CLEC5A: variants seen among roughly 807,000 people sequenced by gnomAD.
CLEC5A encodes the protein C-type lectin domain containing 5A.
In CLEC5A, 15 loss-of-function variants were observed where a neutral mutation model predicts 24.4. The ratio of observed to expected loss-of-function variants is 0.62; its 90% CI spans 0.41 to 0.95. CLEC5A has a LOEUF of 0.95. Among genes scored for constraint, CLEC5A ranks in the 40% least tolerant of loss-of-function variants. CLEC5A has a pLI of 0.00. For missense variants in CLEC5A, 211 were observed against 224.0 expected (o/e 0.94, Z 0.37); for synonymous variants, 71 against 72.6 (o/e 0.98, Z 0.11).
In CLEC5A at chr7:141,944,890, ACTGTATTGGGTTGCCT is replaced by A. The variant is rs544686876; in HGVS notation, c.139+435_139+450del. 7.6e-4 allele frequency among the ~76,000 whole-genome samples: 116 copies of A among 152,280 alleles called. No homozygotes were observed. In the East Asian group the frequency reaches 9.9e-3, roughly 13 times the overall value. ...TATGAGTATTTTCTCCATACAGCTCACTGTATTGGGTTGCCTCTGTTGATACTAAGATAAATGAGAA... is the reference window on the plus strand; with the variant it reads ...TATGAGTATTTTCTCCATACAGCTCACTGTTGATACTAAGATAAATGAGAA... On this transcript the variant is annotated intron_variant, in intron 3 of 6. Transcript: ENST00000546910.
chr7:141,945,291 C>T (rs1340389384), intron 3 of CLEC5A, 50 bp downstream of exon 3: 11 of 1,302,698 alleles, frequency 8.4e-6, no homozygotes, highest in Middle Eastern at 1.8e-4. Context: ...AGGAATTCAG[C>T]ATAGAAGTAG....
chr7:141,939,014 TA>T (rs1221988212), intron 4 of CLEC5A, among the ~76,000 whole-genome samples: 4 of 152,124 alleles, frequency 2.6e-5, no homozygotes, highest in African/African-American at 9.7e-5. Flanking sequence ...TAAGAATTGC[TA>T]AAAACAGCTC....
chr7:141,945,985 C>T (rs782280891), intron 2 of CLEC5A: 19 of 510,554 alleles, frequency 3.7e-5, no homozygotes, highest in Non-Finnish European at 5.6e-5. Flanking sequence ...GGCGTTCTAA[C>T]CATCAGAAAC....
intron 5 of CLEC5A, 46 bp downstream of exon 5, chr7:141,935,768 G>T: frequency 1.9e-6 from 3 of 1,587,356 alleles, no homozygotes; most frequent in Middle Eastern, 1.7e-4. Flanking sequence ...ACCCACTGAG[G>T]CTGTGTGGAG....
Position 141,929,960 on chromosome 7 carries a change from G to C in CLEC5A, c.*144C>G. On this transcript the variant is annotated 3_prime_UTR_variant, in exon 7 of 7. Coordinates refer to ENST00000546910, the MANE Select transcript of CLEC5A (RefSeq NM_013252.3). ...GAGATGGCTAGCATCCAGTCCCCCA[G>C]TGCAGAAGAAAGAAGCTCAGTTTCC... 1 of 617,602 alleles carries C rather than the reference G, an allele frequency of 1.6e-6. No homozygotes were observed. Among genetic ancestry groups the C allele is most frequent in the Non-Finnish European group, 2.8e-6 (1 of 352,718 alleles). 38.3% of individuals were successfully genotyped at this position (617,602 alleles called of 1,614,324 possible).
At chr7:141,942,411 T>C (rs1345871285) in intron 4 of CLEC5A, among the ~76,000 whole-genome samples, 1 of 152,090 alleles carries the variant, frequency 6.6e-6, no homozygotes, top group African/African-American at 2.4e-5. Context: ...TCTCTTGACA[T>C]ATACAAAAAC....
chr7:141,945,047 C>T (rs1377329410), intron 3 of CLEC5A, among the ~76,000 whole-genome samples: 1 of 152,084 alleles, frequency 6.6e-6, no homozygotes. Context: ...AGAACCATGC[C>T]CCACTCATCT....
chr7:141,946,439 C>G (rs1034819866), intron 1 of CLEC5A, 127 bp from the exon 2 acceptor site: 7 of 794,548 alleles, frequency 8.8e-6, no homozygotes, highest in Non-Finnish European at 1.2e-5. Context: ...ATGACATTGA[C>G]AGGTACCAGG....
intron 5 of CLEC5A, 98 bp from the exon 6 acceptor site, chr7:141,931,924 G>C: frequency 3.3e-6 from 2 of 609,132 alleles, no homozygotes; most frequent in Non-Finnish European, 5.8e-6. Context: ...AATAAGGAAG[G>C]CCGGTAGAGA....
chr7:141,941,864 T>G (rs1802803564), intron 4 of CLEC5A, among the ~76,000 whole-genome samples: 1 of 152,072 alleles, frequency 6.6e-6, no homozygotes, highest in South Asian at 2.1e-4. Context: ...AGGAATTAAT[T>G]TAGCCAAAGA....
At chr7:141,946,154 A>G in intron 2 of CLEC5A, 60 bp downstream of exon 2, 1 of 1,514,274 alleles carries the variant, frequency 6.6e-7, no homozygotes, top group Non-Finnish European at 9.0e-7. Flanking sequence ...GCATTCTGAG[A>G]GAAGAGTCAA....
At chr7:141,932,015 C>G (rs1802483559) in intron 5 of CLEC5A, among the ~76,000 whole-genome samples, 189 bp from the exon 6 acceptor site, 1 of 152,116 alleles carries the variant, frequency 6.6e-6, no homozygotes, top group Admixed American at 6.6e-5. Flanking sequence ...TTTGGAAAAC[C>G]TGAGGTCTTG....
intron 5 of CLEC5A, among the ~76,000 whole-genome samples, chr7:141,933,355 G>T (rs932326753): frequency 6.6e-6 from 1 of 151,996 alleles, no homozygotes; most frequent in Non-Finnish European, 1.5e-5. Context: ...ATTATAGGCA[G>T]GTGGGGAAGC....
chr7:141,930,207 T>C lies in CLEC5A; in HGVS notation c.464A>G (p.Gln155Arg), dbSNP rs781884228. 2 of 1,613,126 alleles carry C rather than the reference T, an allele frequency of 1.2e-6. No homozygotes were observed. The highest frequency in any genetic ancestry group is 1.7e-5 in the Admixed American group (1 of 59,998). Residue 155 changes from glutamine to arginine, a missense_variant, in exon 7 of 7, where the codon CAG becomes CGG. Gln to Arg is a conservative substitution (Grantham distance 43). Coordinates refer to ENST00000546910, the MANE Select transcript of CLEC5A (RefSeq NM_013252.3). ...NSVFNGNVTN[Q>R]NQNFNCATIG... ...GGTCGCACAGTTGAAATTCTGATTC[T>C]GATTGGTAACACTAAATGAGAAAAC...
chr7:141,933,046 G>T (rs190006828), intron 5 of CLEC5A, among the ~76,000 whole-genome samples: 1 of 152,258 alleles, frequency 6.6e-6, no homozygotes, highest in East Asian at 1.9e-4. Flanking sequence ...CTGGGAAGGG[G>T]TACATAGATT....
intron 4 of CLEC5A, among the ~76,000 whole-genome samples, chr7:141,942,842 C>T (rs1429277607): frequency 6.6e-6 from 1 of 152,082 alleles, no homozygotes. Context: ...AACACCATTC[C>T]TCATTATAGA....
At chr7:141,944,045 A>G (rs1190434969) in intron 3 of CLEC5A, 81 bp from the exon 4 acceptor site, 2 of 830,018 alleles carry the variant, frequency 2.4e-6, no homozygotes, top group African/African-American at 3.3e-5. Context: ...GGGCTGTGTG[A>G]CTCTGAATCA....
At position 141,930,152 on chromosome 7, in the gene CLEC5A, T is replaced by C; in HGVS notation, c.519A>G (p.Ala173=). Residue 173 remains alanine (A), a synonymous_variant, in exon 7 of 7, where the codon GCA becomes GCG. Coordinates refer to ENST00000546910, the MANE Select transcript of CLEC5A (RefSeq NM_013252.3). ...TCCTGCGGTAGCTGATGTCACATGA[T>C]GCAGCATCAAATGTCTTTGTTAGGC... The part of the protein sequence containing the change: ...TIGLTKTFDA[A]SCDISYRRIC... 6.2e-7 allele frequency: 1 copy of C among 1,614,238 alleles called. No homozygotes were observed. The highest frequency in any genetic ancestry group is 8.5e-7 in the Non-Finnish European group (1 of 1,180,040).
chr7:141,933,254 T>A (rs1477396658), intron 5 of CLEC5A, among the ~76,000 whole-genome samples: 1 of 152,114 alleles, frequency 6.6e-6, no homozygotes, highest in African/African-American at 2.4e-5. Flanking sequence ...GAATGATAGA[T>A]GAGGTGATAC....
Sources: gnomAD v4.1 joint callset for allele counts (sites outside exome capture counted in the v4.1 genomes callset) on GRCh38, gnomAD v4.1.1 for gene constraint, MANE v1.5 for transcripts, NCBI Gene and HGNC (gene_info 2026-07-23, HGNC 2026-07-21) for gene names.